Variants in SLIT3 observed in about 807,000 individuals in gnomAD.
SLIT3 encodes slit homolog 3 protein.
A neutral mutation model predicts 184.0 loss-of-function variants in SLIT3; 68 were observed. The ratio of observed to expected loss-of-function variants is 0.37; its 90% CI spans 0.30 to 0.45. SLIT3 has a LOEUF of 0.45. Ranked by LOEUF, SLIT3 falls within the 20% of genes least tolerant of loss-of-function variation. The probability of loss-of-function intolerance (pLI) is 1.00; values close to 1 mark genes in which losing one functional copy is unlikely to be tolerated. For synonymous variants in SLIT3, 831 were observed against 828.6 expected (o/e 1.00, Z -0.05); for missense variants, 1,707 against 2,026.0 (o/e 0.84, Z 3.02).
At chr5:169,140,480 C>CAAAAAAA (rs34881862) in intron 4 of SLIT3, among the ~76,000 whole-genome samples, 1 of 46,924 alleles carries the variant, frequency 2.1e-5, no homozygotes, top group Non-Finnish European at 4.9e-5. Context: ...AACTCTAACT[C>CAAAAAAA]AAAAAAAAAA....
At chr5:169,239,711 G>T (rs1765328534) in intron 3 of SLIT3, among the ~76,000 whole-genome samples, 1 of 151,882 alleles carries the variant, frequency 6.6e-6, no homozygotes, top group South Asian at 2.1e-4. Flanking sequence ...GTTGCTTCAA[G>T]AATTAGTTTG....
chr5:168,795,130 T>TA (rs1756521970), intron 10 of SLIT3, among the ~76,000 whole-genome samples: 1 of 152,200 alleles, frequency 6.6e-6, no homozygotes, highest in Non-Finnish European at 1.5e-5. Context: ...GACAGTGGTG[T>TA]AGACAGCTGC....
At chr5:168,959,613 G>A (rs1203647634) in intron 4 of SLIT3, among the ~76,000 whole-genome samples, 1 of 152,188 alleles carries the variant, frequency 6.6e-6, no homozygotes, top group Non-Finnish European at 1.5e-5. Flanking sequence ...GGTCTCTCCA[G>A]AACAGAACTT....
chr5:168,731,262 C>A (rs973406387), intron 20 of SLIT3, among the ~76,000 whole-genome samples: 4 of 151,834 alleles, frequency 2.6e-5, no homozygotes, highest in African/African-American at 9.6e-5. Context: ...ACAGTAGACC[C>A]CTAATAAGTA....
At chr5:168,936,057 C>G (rs1762148872) in intron 4 of SLIT3, among the ~76,000 whole-genome samples, 1 of 152,196 alleles carries the variant, frequency 6.6e-6, no homozygotes, top group East Asian at 1.9e-4. Flanking sequence ...AAAATTAGGG[C>G]TGCTAGCCTA....
At chr5:168,851,716 C>T (rs1423504917) in intron 5 of SLIT3, among the ~76,000 whole-genome samples, 2 of 152,184 alleles carry the variant, frequency 1.3e-5, no homozygotes, top group Non-Finnish European at 2.9e-5. Flanking sequence ...TGTGTTCGAT[C>T]CTGGGAAACA....
At chr5:168,883,424 C>T in intron 4 of SLIT3, 88 bp from the exon 5 acceptor site, 1 of 1,024,518 alleles carries the variant, frequency 9.8e-7, no homozygotes, top group Non-Finnish European at 1.5e-6. Flanking sequence ...CCCCCCCACC[C>T]AGGCTGCTGC....
intron 4 of SLIT3, among the ~76,000 whole-genome samples, chr5:168,907,925 TTATATATATATTATACGTGTATATA>T (rs1269956868): frequency 2.9e-4 from 37 of 126,078 alleles, no homozygotes; most frequent in East Asian, 2.1e-3. Context: ...TATATCTATT[TTATATATATATTATACGTGTATATA>T]TATATATATA....
intron 4 of SLIT3, chr5:169,012,564 G>C (rs1218808214): frequency 6.6e-6 from 1 of 152,176 alleles, no homozygotes; most frequent in East Asian, 1.9e-4. Context: ...ATCAAATAAA[G>C]AAAAGATCCA....
chr5:169,282,082 T>C (rs1767017123), intron 1 of SLIT3, among the ~76,000 whole-genome samples: 1 of 152,202 alleles, frequency 6.6e-6, no homozygotes, highest in African/African-American at 2.4e-5. Context: ...TCCCCTTGCA[T>C]CCTCTCTACA....
At chr5:169,019,055 C>G (rs1561611116) in intron 4 of SLIT3, among the ~76,000 whole-genome samples, 1 of 152,202 alleles carries the variant, frequency 6.6e-6, no homozygotes, top group Non-Finnish European at 1.5e-5. Flanking sequence ...AGGAAGGAAG[C>G]CTTGTACAGG....
chr5:169,056,365 T>A (rs534800614), intron 4 of SLIT3, among the ~76,000 whole-genome samples: 164 of 152,324 alleles, frequency 1.1e-3, no homozygotes, highest in African/African-American at 3.8e-3. Flanking sequence ...TGCCAGTTTT[T>A]GTTCCTTCTG....
Position 168,772,937 on chromosome 5 carries a change from C to A in SLIT3, c.1303G>T (p.Ala435Ser). ...CAGTCGCACACAAATGGGTTTTGGG[C>A]TAAGTGGCTGCGAGAGGGATGGGGC... ...PLQSIQTLHL[A>S]QNPFVCDCHL... Residue 435 changes from alanine (A) to serine (S), a missense_variant, in exon 14 of 36, where the codon GCC (alanine) becomes TCC (serine). Physicochemically the swap from Ala to Ser is moderately conservative, Grantham distance 99. Transcript: ENST00000519560. The A allele has an allele frequency of 6.2e-7, 1 of 1,601,410 alleles. No homozygotes were observed. The highest frequency in any genetic ancestry group is 8.5e-7 in the Non-Finnish European group (1 of 1,172,608).
chr5:168,843,024 C>T (rs1449239607), intron 6 of SLIT3, among the ~76,000 whole-genome samples: 1 of 152,230 alleles, frequency 6.6e-6, no homozygotes, highest in Non-Finnish European at 1.5e-5. Flanking sequence ...CATCCTCTCT[C>T]TGGCAGACGG....
chr5:168,826,964 A>T (rs1190772001), intron 6 of SLIT3, among the ~76,000 whole-genome samples: 1 of 152,126 alleles, frequency 6.6e-6, no homozygotes, highest in East Asian at 1.9e-4. Flanking sequence ...GGGTTTTGCC[A>T]TGTTGGCCAG....
At chr5:168,857,184 C>T (rs1328861040) in intron 5 of SLIT3, among the ~76,000 whole-genome samples, 6 of 152,038 alleles carry the variant, frequency 3.9e-5, no homozygotes. Flanking sequence ...CCAGAGCTCT[C>T]CATTGCAGCT....
chr5:168,823,347 A>G lies in SLIT3; in HGVS notation c.558-16T>C, dbSNP rs1561952434. 1 of 1,601,516 alleles carries G rather than the reference A, an allele frequency of 6.2e-7. No individual in the cohort carries two copies. The highest frequency in any genetic ancestry group is 1.7e-5 in the Admixed American group (1 of 60,000). ...GTTGAGGGTACTGTGGAGATAGACA[A>G]GGGAGATGGTCAGCCAGGCAGCAGC... On this transcript the variant is annotated splice_polypyrimidine_tract_variant and intron_variant, in intron 6 of 35. Transcript: ENST00000519560.
intron 4 of SLIT3, among the ~76,000 whole-genome samples, chr5:169,031,561 G>C (rs550422715): frequency 9.2e-5 from 14 of 152,336 alleles, no homozygotes; most frequent in African/African-American, 2.6e-4. Flanking sequence ...TTCTTGGGAG[G>C]GCACACCTGC....
At chr5:168,917,635 A>G (rs972315347) in intron 4 of SLIT3, among the ~76,000 whole-genome samples, 2 of 152,108 alleles carry the variant, frequency 1.3e-5, no homozygotes, top group Non-Finnish European at 2.9e-5. Flanking sequence ...TAAAACCTGG[A>G]GTCTGTTGTA....
Sources: gnomAD v4.1 joint callset for allele counts (sites outside exome capture counted in the v4.1 genomes callset) on GRCh38, gnomAD v4.1.1 for gene constraint, MANE v1.5 for transcripts, NCBI Gene and HGNC (gene_info 2026-07-23, HGNC 2026-07-21) for gene names.